PTPN2: variants seen among roughly 807,000 people sequenced by gnomAD.
PTPN2 encodes the protein tyrosine-protein phosphatase non-receptor type 2.
Under a neutral mutation model 57.3 loss-of-function variants are expected in PTPN2, and 19 were observed. The observed-to-expected ratio is 0.33, with a 90% CI of 0.23 to 0.49. The LOEUF is 0.49. Among genes scored for constraint, PTPN2 ranks in the 20% least tolerant of loss-of-function variants. The probability of loss-of-function intolerance (pLI) is 0.99; values close to 1 mark genes in which losing one functional copy is unlikely to be tolerated. For synonymous variants in PTPN2, 153 were observed against 164.9 expected (o/e 0.93, Z 0.55); for missense variants, 358 against 501.1 (o/e 0.71, Z 2.73).
rs531854394 is a variant in PTPN2, at chr18:12,800,498, C to A, written c.1040+1472G>T. The stretch of plus-strand genomic sequence containing the variant: ...AGGAACCAAAAAAATTATGCTTTCT[C>A]TTGCAGTCTAAAACTACTGAAGTCA... On this transcript the variant is annotated intron_variant, in intron 8 of 8. Transcript: ENST00000309660. Among the ~76,000 whole-genome samples the A allele has an allele frequency of 2.0e-5, 3 of 152,200 alleles. No individual in the cohort carries two copies. In the South Asian group the frequency reaches 6.2e-4, roughly 32 times the overall value.
chr18:12,877,439 G>A (rs1388309486), intron 1 of PTPN2, among the ~76,000 whole-genome samples: 1 of 152,190 alleles, frequency 6.6e-6, no homozygotes, highest in Non-Finnish European at 1.5e-5. Flanking sequence ...AACACATGAA[G>A]ACTCCAAGGT....
chr18:12,835,522 C>T lies in PTPN2; in HGVS notation c.261+1269G>A, dbSNP rs111616943. Among the ~76,000 whole-genome samples, 25 of 151,526 alleles carry T rather than the reference C, an allele frequency of 1.6e-4. 1 individual carries two copies. The highest frequency in any genetic ancestry group is 6.0e-4 in the African/African-American group (25 of 41,344). ...TCCTGGGTAGCTGGGATTATAGGTA[C>T]CCGCCACCATGCCCAGCTAATTTTT... On this transcript the variant is annotated intron_variant, in intron 3 of 8. Coordinates refer to ENST00000309660, the MANE Select transcript of PTPN2 (RefSeq NM_002828.4).
chr18:12,882,305 T>C (rs1179848869), intron 1 of PTPN2, among the ~76,000 whole-genome samples: 2 of 152,204 alleles, frequency 1.3e-5, no homozygotes, highest in African/African-American at 4.8e-5. Context: ...CCAAGGAAAC[T>C]ACAGGATTCC....
chr18:12,884,119 T>A lies in PTPN2; in HGVS notation c.23A>T (p.Glu8Val), dbSNP rs1451616383. 8.2e-6 allele frequency: 13 copies of A among 1,587,846 alleles called. No individual in the cohort carries two copies. The highest frequency in any genetic ancestry group is 1.1e-5 in the Non-Finnish European group (13 of 1,168,630). ...ACGCTGAGTATCCAACTCTTCGAAC[T>A]CCCGCTCGATGGTGGTGGGCATGGC... The part of the protein sequence containing the change: MPTTIER[E>V]FEELDTQRRW... The change falls in exon 1 of 9, where the codon GAG (glutamate) becomes GTG (valine). Residue 8 changes from glutamate (E) to valine (V), a missense_variant. By Grantham distance (121) the Glu-to-Val change is moderately radical (BLOSUM62 -2). Coordinates refer to ENST00000309660, the MANE Select transcript of PTPN2 (RefSeq NM_002828.4).
At chr18:12,801,818 C>T (rs753472936) in intron 8 of PTPN2, 152 bp downstream of exon 8, 2 of 749,282 alleles carry the variant, frequency 2.7e-6, no homozygotes. Flanking sequence ...ATCTTCCCTC[C>T]TTGGCCTCCC....
At chr18:12,850,029 T>C (rs1353472581) in intron 2 of PTPN2, among the ~76,000 whole-genome samples, 2 of 152,100 alleles carry the variant, frequency 1.3e-5, no homozygotes, top group Non-Finnish European at 2.9e-5. Flanking sequence ...CTTGACAGAG[T>C]TGATCAGTCT....
At chr18:12,870,439 GTGTATATATATA>G (rs1162442103) in intron 1 of PTPN2, among the ~76,000 whole-genome samples, 1,001 of 30,228 alleles carry the variant, frequency 0.033, 103 homozygotes, top group Non-Finnish European at 0.04. Flanking sequence ...ATATATATAT[GTGTATATATATA>G]TATATATATA....
chr18:12,874,450 G>A (rs1214088250), intron 1 of PTPN2, among the ~76,000 whole-genome samples: 1 of 147,220 alleles, frequency 6.8e-6, no homozygotes, highest in South Asian at 2.2e-4. Flanking sequence ...CGTCCGGGAG[G>A]TGAGGGGCGC....
chr18:12,859,409 A>G (rs1437042245), intron 1 of PTPN2, among the ~76,000 whole-genome samples, 155 bp from the exon 2 acceptor site: 1 of 152,222 alleles, frequency 6.6e-6, no homozygotes, highest in Non-Finnish European at 1.5e-5. Context: ...TAATCCTCAC[A>G]ATACTAATGG....
intron 6 of PTPN2, among the ~76,000 whole-genome samples, chr18:12,816,731 T>C (rs966974555): frequency 6.6e-6 from 1 of 152,200 alleles, no homozygotes; most frequent in African/African-American, 2.4e-5. Flanking sequence ...CTAAGTCTCC[T>C]TAATGTATTA....
chr18:12,869,133 G>C (rs1166137948), intron 1 of PTPN2: 1 of 152,202 alleles, frequency 6.6e-6, no homozygotes, highest in Non-Finnish European at 1.5e-5. Flanking sequence ...CTGGGAAAAA[G>C]AGAGACGCCG....
At chr18:12,824,550 A>G (rs2042379840) in intron 5 of PTPN2, among the ~76,000 whole-genome samples, 1 of 152,362 alleles carries the variant, frequency 6.6e-6, no homozygotes, top group South Asian at 2.1e-4. Context: ...TCCTAAAGTC[A>G]TATGAGGCTA....
Position 12,794,154 on chromosome 18 carries a change from C to G in PTPN2, c.*124G>C. On this transcript the variant is annotated 3_prime_UTR_variant, in exon 9 of 9. Coordinates refer to ENST00000309660, the MANE Select transcript of PTPN2 (RefSeq NM_002828.4). ...GCTTGTGACTGTAAATATCACTTATCTGGTTGATGTCTATTCTACTGCACC... is the reference window on the plus strand; with the variant it reads ...GCTTGTGACTGTAAATATCACTTATGTGGTTGATGTCTATTCTACTGCACC... 3 of 1,491,554 alleles carry G rather than the reference C, an allele frequency of 2.0e-6. No individual in the cohort carries two copies. The highest frequency in any genetic ancestry group is 2.7e-6 in the Non-Finnish European group (3 of 1,126,256). 92.4% of individuals were successfully genotyped at this position (1,491,554 alleles called of 1,614,324 possible). A position where few individuals can be genotyped will look rare whatever the true frequency, so the allele number is the denominator to read the frequency against.
At chr18:12,861,053 T>C (rs2043791780) in intron 1 of PTPN2, among the ~76,000 whole-genome samples, 1 of 152,230 alleles carries the variant, frequency 6.6e-6, no homozygotes, top group South Asian at 2.1e-4. Flanking sequence ...TTGCCCAGGC[T>C]GTTCTCGAAC....
At chr18:12,803,711 G>A (rs1038853855) in intron 7 of PTPN2, among the ~76,000 whole-genome samples, 2 of 152,150 alleles carry the variant, frequency 1.3e-5, no homozygotes, top group East Asian at 1.9e-4. Context: ...CAACACTGGT[G>A]CACACAAATA....
At chr18:12,869,639 G>A (rs1211429473) in intron 1 of PTPN2, among the ~76,000 whole-genome samples, 2 of 152,058 alleles carry the variant, frequency 1.3e-5, no homozygotes, top group Non-Finnish European at 2.9e-5. Flanking sequence ...ATTCTCCCTC[G>A]AACTGCTACG....
At chr18:12,800,089 C>T (rs376211785) in intron 8 of PTPN2, among the ~76,000 whole-genome samples, 3 of 152,072 alleles carry the variant, frequency 2.0e-5, no homozygotes, top group South Asian at 2.1e-4. Flanking sequence ...CCACCACATG[C>T]GAAAACATGT....
intron 1 of PTPN2, among the ~76,000 whole-genome samples, chr18:12,873,395 C>T (rs1302597401): frequency 6.6e-6 from 1 of 152,224 alleles, no homozygotes; most frequent in Non-Finnish European, 1.5e-5. Flanking sequence ...CTGCCTGATT[C>T]TCCTGCCTCA....
At chr18:12,839,625 C>T (rs1568133734) in intron 2 of PTPN2, 1 of 152,192 alleles carries the variant, frequency 6.6e-6, no homozygotes, top group Non-Finnish European at 1.5e-5. Flanking sequence ...CCACACTTCA[C>T]AGGAAATCTT....
Sources: gnomAD v4.1 joint callset for allele counts (sites outside exome capture counted in the v4.1 genomes callset) on GRCh38, gnomAD v4.1.1 for gene constraint, MANE v1.5 for transcripts, NCBI Gene and HGNC (gene_info 2026-07-23, HGNC 2026-07-21) for gene names.